Variants in ZBTB2 observed in about 807,000 individuals in gnomAD.
ZBTB2 encodes zinc finger and BTB domain containing 2, also known as zinc finger and BTB domain-containing protein 2.
ZBTB2 carries 2 observed loss-of-function variants against 39.5 expected under a neutral mutation model. That is an observed-to-expected ratio of 0.05 (90% CI 0.02 to 0.16). The LOEUF (loss-of-function observed/expected upper bound fraction) is 0.16, where lower values mean the gene tolerates loss of function less well. ZBTB2 is among the 10% of genes least tolerant of loss of function. The probability of loss-of-function intolerance (pLI) is 1.00; values close to 1 mark genes in which losing one functional copy is unlikely to be tolerated. For missense variants in ZBTB2, 391 were observed against 653.0 expected, an observed-to-expected ratio of 0.60 and a Z score of 4.37; for synonymous variants, 251 against 256.6, an observed-to-expected ratio of 0.98 and a Z score of 0.21.
At position 151,364,186 on chromosome 6, in the gene ZBTB2, C is replaced by T. The variant is rs189987176; in HGVS notation, c.*1335G>A. On this transcript the variant is annotated 3_prime_UTR_variant, in exon 3 of 3. Transcript: ENST00000325144. ...TTACAAATTTGAGAACTCAACTATA[C>T]ATGAAATAGGATGATGGGATATTCA... 1 of 152,546 alleles carries T rather than the reference C, an allele frequency of 6.6e-6. No homozygotes were observed. The highest frequency in any genetic ancestry group is 1.9e-4 in the East Asian group (1 of 5,174). The allele number at this position is 152,546 out of a possible 1,614,324, so 9.4% of individuals were successfully genotyped here.
At chr6:151,389,100 A>G (rs1779227181) in intron 1 of ZBTB2, among the ~76,000 whole-genome samples, 1 of 152,200 alleles carries the variant, frequency 6.6e-6, no homozygotes, top group African/African-American at 2.4e-5. Flanking sequence ...AGGATGTCCT[A>G]TTAGTGGTAA....
At chr6:151,368,453 T>C (rs1420624647) in intron 2 of ZBTB2, among the ~76,000 whole-genome samples, 1 of 150,658 alleles carries the variant, frequency 6.6e-6, no homozygotes, top group Non-Finnish European at 1.5e-5. Context: ...CTGGCAACTT[T>C]GTTGTTTTTT....
rs1445739282 is a variant in ZBTB2, at chr6:151,364,255, C to G, written c.*1266G>C. 1 of 152,496 alleles carries G rather than the reference C, an allele frequency of 6.6e-6. No homozygotes were observed. Among genetic ancestry groups the G allele is most frequent in the Non-Finnish European group, 1.5e-5 (1 of 68,022 alleles). The allele number at this position is 152,496 out of a possible 1,614,324, so 9.4% of individuals were successfully genotyped here. A position where few individuals can be genotyped will look rare whatever the true frequency, so the allele number is the denominator to read the frequency against. On this transcript the variant is annotated 3_prime_UTR_variant, in exon 3 of 3. Transcript: ENST00000325144. ...TACTATAGCTATTAGCTATTCTCCC[C>G]TTCTCCTTCAGTCCTTACTTCTGGC... is the stretch of plus-strand genomic sequence containing the variant.
At chr6:151,389,696 T>C (rs886779821) in intron 1 of ZBTB2, among the ~76,000 whole-genome samples, 5 of 152,086 alleles carry the variant, frequency 3.3e-5, no homozygotes, top group Non-Finnish European at 7.4e-5. Flanking sequence ...TAATGAACAA[T>C]GCAGCTGGGG....
At chr6:151,389,434 A>G (rs1779234774) in intron 1 of ZBTB2, among the ~76,000 whole-genome samples, 1 of 152,202 alleles carries the variant, frequency 6.6e-6, no homozygotes, top group Non-Finnish European at 1.5e-5. Context: ...TTCTCTATTA[A>G]ACGTTCAGGG....
intron 1 of ZBTB2, among the ~76,000 whole-genome samples, chr6:151,388,014 G>A (rs1779198133): frequency 6.6e-6 from 1 of 151,722 alleles, no homozygotes; most frequent in East Asian, 1.9e-4. Flanking sequence ...ACCTACTTGA[G>A]CATAAAGAAC....
At chr6:151,390,992 C>A (rs1410093708) in intron 1 of ZBTB2, among the ~76,000 whole-genome samples, 1 of 150,448 alleles carries the variant, frequency 6.6e-6, no homozygotes, top group Non-Finnish European at 1.5e-5. Flanking sequence ...GGGAACCGAA[C>A]GCGAATCGCC....
intron 2 of ZBTB2, among the ~76,000 whole-genome samples, chr6:151,368,300 C>T (rs371766608): frequency 5.9e-5 from 9 of 152,218 alleles, no homozygotes; most frequent in African/African-American, 1.9e-4. Context: ...GTGTCCGCCA[C>T]CACACCCGGC....
At chr6:151,368,391 T>G (rs1778696904) in intron 2 of ZBTB2, among the ~76,000 whole-genome samples, 1 of 152,136 alleles carries the variant, frequency 6.6e-6, no homozygotes, top group Non-Finnish European at 1.5e-5. Flanking sequence ...ACTCGTGATC[T>G]GCCCGCCTCG....
chr6:151,367,098 G>C (rs1778667692), intron 2 of ZBTB2, among the ~76,000 whole-genome samples: 1 of 151,874 alleles, frequency 6.6e-6, no homozygotes, highest in Non-Finnish European at 1.5e-5. Context: ...CAGATTCTTA[G>C]AGCAGTTTTT....
intron 2 of ZBTB2, among the ~76,000 whole-genome samples, chr6:151,368,932 G>GT (rs1454471832): frequency 6.8e-6 from 1 of 147,908 alleles, no homozygotes; most frequent in East Asian, 2.0e-4. Context: ...GCTAATTTTT[G>GT]TATTTTTTTT....
In ZBTB2 at chr6:151,389,018, T is replaced by C. The variant is rs554580752; in HGVS notation, c.-13+2402A>G. ...TATCACTTCTTGTACTTACGATGGC[T>C]TCAATAACTGGACAATTCTTTGTCT... On this transcript the variant is annotated intron_variant, in intron 1 of 2. Transcript: ENST00000325144. Among the ~76,000 whole-genome samples the C allele has an allele frequency of 1.4e-4, 22 of 152,336 alleles. No homozygotes were observed. The South Asian group carries it at 3.7e-3, about 26-fold the overall frequency.
intron 1 of ZBTB2, among the ~76,000 whole-genome samples, chr6:151,379,619 CAG>C (rs940387003): frequency 6.1e-5 from 6 of 97,612 alleles, no homozygotes; most frequent in African/African-American, 8.4e-5. Flanking sequence ...GCCTGGGAAA[CAG>C]AGTGAGACCC....
At chr6:151,385,480 C>T (rs1330746539) in intron 1 of ZBTB2, among the ~76,000 whole-genome samples, 2 of 152,160 alleles carry the variant, frequency 1.3e-5, no homozygotes, top group Non-Finnish European at 2.9e-5. Flanking sequence ...TGTATTTTGA[C>T]AACCTAAGTT....
chr6:151,378,296 T>C (rs1778960024), intron 1 of ZBTB2, among the ~76,000 whole-genome samples: 1 of 152,180 alleles, frequency 6.6e-6, no homozygotes, highest in South Asian at 2.1e-4. Context: ...CCACGAGTCA[T>C]ATCTAAGCAC....
intron 1 of ZBTB2, among the ~76,000 whole-genome samples, chr6:151,390,174 G>A (rs978602337): frequency 6.6e-6 from 1 of 151,936 alleles, no homozygotes; most frequent in African/African-American, 2.4e-5. Flanking sequence ...CCCGGGACTG[G>A]GGCCCGGCCT....
chr6:151,378,181 A>G (rs1345143047), intron 1 of ZBTB2: 4 of 152,186 alleles, frequency 2.6e-5, no homozygotes, highest in African/African-American at 9.7e-5. Flanking sequence ...AGATTCAGAA[A>G]TTAACAAATA....
intron 2 of ZBTB2, among the ~76,000 whole-genome samples, chr6:151,371,594 C>A (rs757596758): frequency 2.0e-5 from 3 of 151,952 alleles, no homozygotes; most frequent in Non-Finnish European, 4.4e-5. Flanking sequence ...CCCAGAGGGC[C>A]CAGTCGCAGA....
chr6:151,375,013 C>T (rs985377165), intron 1 of ZBTB2, among the ~76,000 whole-genome samples: 4 of 150,638 alleles, frequency 2.7e-5, no homozygotes, highest in East Asian at 1.9e-4. Context: ...CCAGCTACTC[C>T]GGAGGCTGAG....
Sources: gnomAD v4.1 joint callset for allele counts (sites outside exome capture counted in the v4.1 genomes callset) on GRCh38, gnomAD v4.1.1 for gene constraint, MANE v1.5 for transcripts, NCBI Gene and HGNC (gene_info 2026-07-23, HGNC 2026-07-21) for gene names.